Variants in PHACTR4 observed in about 807,000 individuals in gnomAD.
PHACTR4 encodes the protein phosphatase and actin regulator 4, also known as protein phosphatase 1, regulatory subunit 124.
PHACTR4 carries 51 observed loss-of-function variants against 72.7 expected under a neutral mutation model. The observed-to-expected ratio is 0.70, with a 90% CI of 0.56 to 0.89. The LOEUF is 0.89. PHACTR4 is among the 40% of genes least tolerant of loss of function. The pLI is 0.00. For missense variants in PHACTR4, 731 were observed against 861.8 expected (o/e 0.85, Z 1.90); for synonymous variants, 255 against 302.5 (o/e 0.84, Z 1.63).
intron 1 of PHACTR4, among the ~76,000 whole-genome samples, chr1:28,376,839 A>G (rs919628770): frequency 2.7e-5 from 4 of 147,376 alleles, no homozygotes; most frequent in African/African-American, 1.0e-4. Flanking sequence ...GGGTTTCACT[A>G]TGTTAGCCAG....
intron 2 of PHACTR4, among the ~76,000 whole-genome samples, chr1:28,455,198 C>CTTTCTTTTTT (rs1250815977): frequency 1.7e-4 from 15 of 85,974 alleles, no homozygotes; most frequent in African/African-American, 5.6e-4. Context: ...TTCTTTCTTT[C>CTTTCTTTTTT]TTTTTTTTTT....
intron 2 of PHACTR4, among the ~76,000 whole-genome samples, chr1:28,433,753 G>A (rs1656445693): frequency 7.0e-6 from 1 of 142,514 alleles, no homozygotes; most frequent in Admixed American, 7.1e-5. Context: ...CCACTGCACC[G>A]GGCCTAGACT....
intron 2 of PHACTR4, chr1:28,438,385 A>G (rs1656769094): frequency 3.1e-6 from 5 of 1,612,442 alleles, no homozygotes; most frequent in Non-Finnish European, 4.2e-6. Flanking sequence ...CAATATAATC[A>G]TGGGACAAGC....
At chr1:28,451,884 A>G (rs902065140) in intron 2 of PHACTR4, among the ~76,000 whole-genome samples, 1 of 151,814 alleles carries the variant, frequency 6.6e-6, no homozygotes, top group Admixed American at 6.6e-5. Flanking sequence ...AGTGATCCCC[A>G]CTACCTCGAC....
intron 1 of PHACTR4, among the ~76,000 whole-genome samples, chr1:28,405,978 T>C (rs957540716): frequency 6.6e-6 from 1 of 152,128 alleles, no homozygotes; most frequent in Non-Finnish European, 1.5e-5. Context: ...ATCAAAAGCA[T>C]ATTTCACTTT....
At chr1:28,450,240 A>G (rs547786252) in intron 2 of PHACTR4, among the ~76,000 whole-genome samples, 2 of 151,826 alleles carry the variant, frequency 1.3e-5, no homozygotes, top group Non-Finnish European at 2.9e-5. Flanking sequence ...TTGTAAAACT[A>G]TACCCAGCAT....
rs149709657 is a variant in PHACTR4 at position 28,445,486 on chromosome 1, C to CTT, written c.17-13591_17-13590dup. Among the ~76,000 whole-genome samples the CTT allele has an allele frequency of 5.0e-4, 76 of 150,692 alleles. No homozygotes were observed. The South Asian group carries it at 5.4e-3, about 11-fold the overall frequency. Reference sequence around the variant, plus strand: ...TTCTCTGTCTTTCCATTTTACCTCTCTTTTTTTTTCCTTTTTGCCCCTTCA... The same window carrying CTT: ...TTCTCTGTCTTTCCATTTTACCTCTCTTTTTTTTTTTCCTTTTTGCCCCTTCA... On this transcript the variant is annotated intron_variant, in intron 2 of 13. Transcript: ENST00000373839.
At position 28,404,413 on chromosome 1, in the gene PHACTR4, C is replaced by T. The variant is rs551569623; in HGVS notation, c.-38-2997C>T. 2.4e-4 allele frequency among the ~76,000 whole-genome samples: 36 copies of T among 149,596 alleles called. 1 individual carries two copies. In the South Asian group the frequency reaches 7.0e-3, roughly 29 times the overall value. On this transcript the variant is annotated intron_variant, in intron 1 of 13. Coordinates refer to ENST00000373839, the MANE Select transcript of PHACTR4 (RefSeq NM_001048183.3). ...TTCTCCTGCCTCAGCCTCCTGAGTA[C>T]CTGGGACTACAGGCACCTGCCACCA...
chr1:28,437,660 A>G lies in PHACTR4; in HGVS notation c.17-21425A>G, dbSNP rs115003175. On this transcript the variant is annotated intron_variant, in intron 2 of 13. Coordinates refer to ENST00000373839, the MANE Select transcript of PHACTR4 (RefSeq NM_001048183.3). The stretch of plus-strand genomic sequence containing the variant: ...CTTCTTGCGTAGCCTCACATGATGG[A>G]AAAAGAGAACTCTCTGGGTCTTTTT... Among the ~76,000 whole-genome samples the G allele has an allele frequency of 3.9e-3, 601 of 152,272 alleles. 5 individuals are homozygous for G. Among genetic ancestry groups the G allele is most frequent in the African/African-American group, 0.014 (564 of 41,544 alleles).
In PHACTR4 at chr1:28,459,121, T is replaced by G; in HGVS notation, c.53T>G (p.Val18Gly). 6.2e-7 allele frequency: 1 copy of G among 1,613,978 alleles called. No homozygotes were observed. The highest frequency in any genetic ancestry group is 8.5e-7 in the Non-Finnish European group (1 of 1,180,002). The change falls in exon 3 of 14, where the codon GTC (valine) becomes GGC (glycine). Residue 18 changes from valine to glycine, a missense_variant. By Grantham distance (109) the Val-to-Gly change is moderately radical. Around this residue, in one of 2 missense-constraint regions of PHACTR4, gnomAD observed 621 missense variants for 676.6 expected, o/e 0.92. Transcript: ENST00000373839. Reference protein sequence around the residue: ...ADQPTTEPGMVLDSVEAGDTT... With the variant: ...ADQPTTEPGMGLDSVEAGDTT... ...CAGCCCACTACAGAGCCAGGCATGG[T>G]CCTGGACAGTGTGGAAGCAGGAGAC...
intron 2 of PHACTR4, among the ~76,000 whole-genome samples, chr1:28,445,666 C>G (rs758098534): frequency 6.6e-6 from 1 of 152,090 alleles, no homozygotes; most frequent in African/African-American, 2.4e-5. Flanking sequence ...GGTTCTCACC[C>G]TTATGATACT....
At chr1:28,449,475 C>G (rs1415768354) in intron 2 of PHACTR4, among the ~76,000 whole-genome samples, 2 of 152,150 alleles carry the variant, frequency 1.3e-5, no homozygotes, top group Non-Finnish European at 2.9e-5. Context: ...TAATATGTAT[C>G]TATAGCAAAT....
At chr1:28,421,948 T>C (rs1655536737) in intron 2 of PHACTR4, among the ~76,000 whole-genome samples, 1 of 152,218 alleles carries the variant, frequency 6.6e-6, no homozygotes, top group Non-Finnish European at 1.5e-5. Flanking sequence ...GATGGATGGA[T>C]GTATGATTGG....
intron 2 of PHACTR4, among the ~76,000 whole-genome samples, chr1:28,437,108 C>T (rs1004471753): frequency 9.9e-5 from 15 of 152,174 alleles, no homozygotes; most frequent in African/African-American, 2.9e-4. Context: ...TAGGCATGCC[C>T]ACCTACAGGT....
intron 4 of PHACTR4, among the ~76,000 whole-genome samples, chr1:28,460,518 C>T (rs35703169): frequency 0.1 from 15,680 of 151,298 alleles, 1,866 homozygotes; most frequent in African/African-American, 0.3. Context: ...TCTTTTTTTT[C>T]CCCCCCTTGA....
At chr1:28,428,069 A>G (rs767131149) in intron 2 of PHACTR4, among the ~76,000 whole-genome samples, 2 of 152,246 alleles carry the variant, frequency 1.3e-5, no homozygotes, top group Non-Finnish European at 2.9e-5. Context: ...TATTTAAAAC[A>G]GAATATTGAA....
chr1:28,475,993 G>T (rs1290852449), intron 7 of PHACTR4, 114 bp from the exon 8 acceptor site: 9 of 986,730 alleles, frequency 9.1e-6, no homozygotes, highest in Non-Finnish European at 1.3e-5. Context: ...CTCCCAAAGT[G>T]CTGGGATTAC....
At chr1:28,387,732 AT>A (rs529132196) in intron 1 of PHACTR4, among the ~76,000 whole-genome samples, 106 of 147,276 alleles carry the variant, frequency 7.2e-4, no homozygotes, top group Middle Eastern at 3.5e-3. Flanking sequence ...ACAAAAAACA[AT>A]TTTTTTTTTT....
intron 2 of PHACTR4, among the ~76,000 whole-genome samples, chr1:28,448,341 C>G (rs1331587849): frequency 6.6e-6 from 1 of 150,498 alleles, no homozygotes; most frequent in Non-Finnish European, 1.5e-5. Context: ...GGTGATCACA[C>G]CATTGCACTC....
Sources: allele counts gnomAD v4.1 joint callset (sites outside exome capture counted in the v4.1 genomes callset), GRCh38; gene constraint gnomAD v4.1.1; regional missense constraint gnomAD v4.1.1; transcripts MANE v1.5; gene names NCBI Gene and HGNC (gene_info 2026-07-23, HGNC 2026-07-21).